The following STK33 variants were observed in gnomAD, a reference collection of about 807,000 sequenced individuals.
STK33 encodes serine/threonine-protein kinase 33.
Under a neutral mutation model 58.0 loss-of-function variants are expected in STK33, and 52 were observed. The observed-to-expected ratio is 0.90, with a 90% confidence interval of 0.72 to 1.13. The LOEUF is 1.13. STK33 is among the 50% of genes most tolerant of loss of function. The pLI is 0.00. For synonymous variants in STK33, 215 were observed against 200.1 expected, an observed-to-expected ratio of 1.07 and a Z score of -0.63; for missense variants, 630 against 604.2, an observed-to-expected ratio of 1.04 and a Z score of -0.45.
At chr11:8,477,137 A>G (rs1235575692) in intron 3 of STK33, 113 bp downstream of exon 3, 2 of 72,260 alleles carry the variant, frequency 2.8e-5, no homozygotes, top group East Asian at 1.0e-3. Flanking sequence ...TGCCACTCAA[A>G]ATACACACAC....
chr11:8,509,578 T>C (rs867579469), intron 1 of STK33, among the ~76,000 whole-genome samples: 1 of 152,130 alleles, frequency 6.6e-6, no homozygotes, highest in African/African-American at 2.4e-5. Flanking sequence ...AGTTCCTTAG[T>C]GGTGATTTCT....
chr11:8,339,739 C>T, the STK33 span, among the ~76,000 whole-genome samples: 2 of 152,220 alleles, frequency 1.3e-5, no homozygotes, highest in East Asian at 1.9e-4. Context: ...TGGCCGTGGT[C>T]GCCACATCGG....
At chr11:8,414,191 T>C (rs1351875925) in intron 14 of STK33, among the ~76,000 whole-genome samples, 1 of 152,182 alleles carries the variant, frequency 6.6e-6, no homozygotes, top group African/African-American at 2.4e-5. Flanking sequence ...GGAAATCCCT[T>C]ACCTGTCTGG....
chr11:8,587,220 G>A (rs1470582537), intron 1 of STK33, among the ~76,000 whole-genome samples: 3 of 152,024 alleles, frequency 2.0e-5, no homozygotes, highest in African/African-American at 7.3e-5. Flanking sequence ...TTTTTTAATT[G>A]CATTTATACA....
the STK33 span, among the ~76,000 whole-genome samples, chr11:8,384,236 G>GT: frequency 6.6e-6 from 1 of 152,204 alleles, no homozygotes; most frequent in Non-Finnish European, 1.5e-5. Flanking sequence ...TAACCAGCCA[G>GT]TGCAGAGTCA....
chr11:8,450,612 C>G (rs1946157713), intron 11 of STK33, among the ~76,000 whole-genome samples: 1 of 127,704 alleles, frequency 7.8e-6, no homozygotes, highest in Non-Finnish European at 1.7e-5. Flanking sequence ...ATTATTTTTT[C>G]AATAACAAAA....
intron 1 of STK33, among the ~76,000 whole-genome samples, chr11:8,583,276 A>C (rs1271593970): frequency 6.6e-6 from 1 of 152,172 alleles, no homozygotes; most frequent in African/African-American, 2.4e-5. Context: ...ATATCATTTA[A>C]AGGTCTTCAC....
intron 11 of STK33, 124 bp from the exon 12 acceptor site, chr11:8,440,877 C>G: frequency 3.3e-6 from 3 of 904,038 alleles, no homozygotes; most frequent in Non-Finnish European, 5.0e-6. Flanking sequence ...AAAAGAGAAC[C>G]AACAGCAGAT....
chr11:8,487,014 T>G (rs1950236607), intron 1 of STK33, among the ~76,000 whole-genome samples: 2 of 152,028 alleles, frequency 1.3e-5, no homozygotes, highest in African/African-American at 4.8e-5. Context: ...CCAGTTCAGT[T>G]TGGGATGTGC....
At position 8,436,110 on chromosome 11, in the gene STK33, C is replaced by T. The variant is rs201583070; in HGVS notation, c.977G>A (p.Ser326Asn). 12 of 1,585,704 alleles carry T rather than the reference C, an allele frequency of 7.6e-6. No individual in the cohort carries two copies. Among genetic ancestry groups the T allele is most frequent in the Non-Finnish European group, 1.0e-5 (12 of 1,167,186 alleles). The change falls in exon 13 of 16, where the codon AGC becomes AAC. Residue 326 changes from serine to asparagine, a missense_variant. Physicochemically the swap from Ser to Asn is conservative, Grantham distance 46. Transcript: ENST00000687296. ...LLRGEPPFLA[S>N]SEEKLFELIR... The stretch of plus-strand genomic sequence containing the variant: ...TAACTCAAAAAGCTTCTCTTCTGAG[C>T]TTGCCAAAAAGGGTGGTTCTCCACG...
chr11:8,576,908 C>G (rs568689526), intron 1 of STK33, among the ~76,000 whole-genome samples: 1 of 152,238 alleles, frequency 6.6e-6, no homozygotes, highest in Admixed American at 6.5e-5. Context: ...TTTAAAAAAC[C>G]TTGAATAAGA....
chr11:8,447,284 T>A (rs1436163720), intron 11 of STK33, among the ~76,000 whole-genome samples: 1 of 152,210 alleles, frequency 6.6e-6, no homozygotes, highest in East Asian at 1.9e-4. Context: ...TAACTCATTT[T>A]ATGAGGCCAG....
At chr11:8,389,528 C>T (rs1406916979), downstream of STK33, among the ~76,000 whole-genome samples, 1 of 152,188 alleles carries the variant, frequency 6.6e-6, no homozygotes, top group Non-Finnish European at 1.5e-5. Flanking sequence ...TGGTCTCTAG[C>T]CAAGCACAGC....
intron 7 of STK33, among the ~76,000 whole-genome samples, chr11:8,462,440 T>TACAC (rs201221789): frequency 0.096 from 12,081 of 126,060 alleles, 599 homozygotes; most frequent in African/African-American, 0.14. Context: ...TATATACATA[T>TACAC]ATACACACAC....
At chr11:8,383,358 A>T in the STK33 span, among the ~76,000 whole-genome samples, 3 of 152,248 alleles carry the variant, frequency 2.0e-5, no homozygotes, top group South Asian at 4.1e-4. Flanking sequence ...TGATAGGAAG[A>T]ATTTTCTCAC....
At position 8,473,222 on chromosome 11, in the gene STK33, C is replaced by T. The variant is rs1227112979; in HGVS notation, c.280G>A (p.Gly94Ser). 1 of 1,613,158 alleles carries T rather than the reference C, an allele frequency of 6.2e-7. No homozygotes were observed. The highest frequency in any genetic ancestry group is 1.3e-5 in the African/African-American group (1 of 74,734). ...RKASQQQWGR[G>S]NFTEGKVPHI... ...GGAACTTTTCCTTCTGTAAAGTTGCCCCGACCCCATTGTTGCTGAGATGCT... is the reference window on the plus strand; with the variant it reads ...GGAACTTTTCCTTCTGTAAAGTTGCTCCGACCCCATTGTTGCTGAGATGCT... Residue 94 changes from glycine to serine, a missense_variant, in exon 6 of 16, where the codon GGC becomes AGC. By Grantham distance (56) the Gly-to-Ser change is moderately conservative. Coordinates refer to ENST00000687296, the MANE Select transcript of STK33 (RefSeq NM_001352389.2).
chr11:8,569,837 G>T (rs1050610137), intron 1 of STK33, among the ~76,000 whole-genome samples: 1 of 151,998 alleles, frequency 6.6e-6, no homozygotes, highest in African/African-American at 2.4e-5. Flanking sequence ...CACTCCTGTG[G>T]TCTCAGCTAC....
the STK33 span, among the ~76,000 whole-genome samples, chr11:8,370,463 C>G: frequency 6.6e-6 from 1 of 152,136 alleles, no homozygotes; most frequent in Non-Finnish European, 1.5e-5. Flanking sequence ...TCCAAAAATG[C>G]TGAGATTACA....
intron 15 of STK33, among the ~76,000 whole-genome samples, chr11:8,407,442 TAGAC>T (rs1222124087): frequency 6.6e-6 from 1 of 152,128 alleles, no homozygotes; most frequent in African/African-American, 2.4e-5. Context: ...TTAGAAGAAT[TAGAC>T]AGTGAAATCA....
Sources: allele counts gnomAD v4.1 joint callset (sites outside exome capture counted in the v4.1 genomes callset), GRCh38; gene constraint gnomAD v4.1.1; transcripts MANE v1.5; gene names NCBI Gene and HGNC (gene_info 2026-07-23, HGNC 2026-07-21).